The following CCT4 variants were observed in gnomAD, a reference collection of about 807,000 sequenced individuals.
CCT4 encodes the protein chaperonin containing TCP1 subunit 4.
In CCT4, 17 loss-of-function variants were observed where a neutral mutation model predicts 62.5. The ratio of observed to expected loss-of-function variants is 0.27; its 90% CI spans 0.19 to 0.41. CCT4 has a LOEUF of 0.41. Among genes scored for constraint, CCT4 ranks in the 10% least tolerant of loss-of-function variants. CCT4 has a pLI of 1.00. For missense variants in CCT4, 592 were observed against 659.2 expected, an observed-to-expected ratio of 0.90 and a Z score of 1.12; for synonymous variants, 250 against 229.9, an observed-to-expected ratio of 1.09 and a Z score of -0.79.
In CCT4 at chr2:61,878,985, A is replaced by C; in HGVS notation, c.406T>G (p.Ser136Ala). The stretch of plus-strand genomic sequence containing the variant: ...CCCTTTTCCAGGGCCTTCTGGAATG[A>C]CTCAGAAATGATGGTTGGATGAATC... ...KGIHPTIISESFQKALEKGIE... is the reference protein window; with the variant it reads ...KGIHPTIISEAFQKALEKGIE... Residue 136 changes from serine (S) to alanine (A), a missense_variant, in exon 5 of 14, where the codon TCA (serine) becomes GCA (alanine). Around this residue, in one of 3 missense-constraint regions of CCT4, gnomAD observed 522 missense variants for 571.2 expected, o/e 0.91. Transcript: ENST00000394440. 2 of 1,608,270 alleles carry C rather than the reference A, an allele frequency of 1.2e-6. No homozygotes were observed. Among genetic ancestry groups the C allele is most frequent in the Non-Finnish European group, 1.7e-6 (2 of 1,177,854 alleles).
In CCT4 at chr2:61,873,202, A is replaced by T. The variant is rs112590269; in HGVS notation, c.1009T>A (p.Cys337Ser). ...DIEREDIEFICKTIGTKPVAH... is the reference protein window; with the variant it reads ...DIEREDIEFISKTIGTKPVAH... The stretch of plus-strand genomic sequence containing the variant: ...TACAGATGTTAATGTTTTACCTTAC[A>T]AATGAATTCAATGTCTTCTCTTTCA... Residue 337 changes from cysteine to serine, a missense_variant, in exon 9 of 14, where the codon TGT becomes AGT. Cys to Ser is a moderately radical substitution (Grantham distance 112). This residue lies in a region of CCT4 where 522 missense variants were observed against 571.2 expected (regional missense o/e 0.91). Coordinates refer to ENST00000394440, the MANE Select transcript of CCT4 (RefSeq NM_006430.4). 3.4e-6 allele frequency: 5 copies of T among 1,465,810 alleles called. No homozygotes were observed. The highest frequency in any genetic ancestry group is 1.4e-5 in the African/African-American group (1 of 71,766). The allele number at this position is 1,465,810 out of a possible 1,614,324, so 90.8% of individuals were successfully genotyped here. A position where few individuals can be genotyped will look rare whatever the true frequency, so the allele number is the denominator to read the frequency against.
At chr2:61,873,413 G>A (rs1277226126) in intron 8 of CCT4, 120 bp from the exon 9 acceptor site, 1 of 594,642 alleles carries the variant, frequency 1.7e-6, no homozygotes, top group East Asian at 2.7e-5. Context: ...GAAGAAAAAT[G>A]CTTTAGTTTA....
chr2:61,881,936 CTTT>C (rs10582574), intron 3 of CCT4, among the ~76,000 whole-genome samples: 24,309 of 141,704 alleles, frequency 0.17, 2,455 homozygotes, highest in Middle Eastern at 0.29. Flanking sequence ...ATAGAAGTTC[CTTT>C]TTTTTTTTTT....
In CCT4 at chr2:61,872,995, C is replaced by G. The variant is rs1236575492; in HGVS notation, c.1125+7G>C. The G allele has an allele frequency of 6.7e-7, 1 of 1,503,578 alleles. No homozygotes were observed. The highest frequency in any genetic ancestry group is 2.3e-5 in the East Asian group (1 of 44,364). The allele number at this position is 1,503,578 out of a possible 1,614,324, so 93.1% of individuals were successfully genotyped here. ...AGCAAATAAAAATTTAAGTGTAATA[C>G]TGTTACCTTGAGCAGTTTGCCAGAA... On this transcript the variant is annotated splice_region_variant and intron_variant, in intron 10 of 13. Transcript: ENST00000394440.
chr2:61,872,279 A>T lies in CCT4; in HGVS notation c.1294T>A (p.Leu432Met), dbSNP rs1668900562. ...IAGGGAPEIE[L>M]ALRLTEYSRT... ...GAATATTCAGTTAATCGTAGGGCCAACTCTATTTCTGGAGCACCACCTCCT... is the reference window on the plus strand; with the variant it reads ...GAATATTCAGTTAATCGTAGGGCCATCTCTATTTCTGGAGCACCACCTCCT... Residue 432 changes from leucine (L) to methionine (M), a missense_variant, in exon 12 of 14, where the codon TTG becomes ATG. Transcript: ENST00000394440. 1 of 1,609,652 alleles carries T rather than the reference A, an allele frequency of 6.2e-7. No individual in the cohort carries two copies. The highest frequency in any genetic ancestry group is 2.2e-5 in the East Asian group (1 of 44,734).
At chr2:61,880,532 T>C in intron 3 of CCT4, 138 bp from the exon 4 acceptor site, 1 of 618,012 alleles carries the variant, frequency 1.6e-6, no homozygotes, top group Admixed American at 3.5e-5. Flanking sequence ...ATTTGTTGTC[T>C]ACCTTGGGTT....
rs937814763 is a variant in CCT4, at chr2:61,872,666, G to A, written c.1126-78C>T. ...ACCCAGGCCGGGCACGGCGGCTCAC[G>A]CCTGTAAACCCAACACTTTGGGAGG... is the stretch of plus-strand genomic sequence containing the variant. On this transcript the variant is annotated intron_variant, in intron 10 of 13. Transcript: ENST00000394440. 5.5e-5 allele frequency: 81 copies of A among 1,473,334 alleles called. No individual in the cohort carries two copies. In the Middle Eastern group the frequency reaches 7.3e-4, roughly 13 times the overall value. 91.3% of individuals were successfully genotyped at this position (1,473,334 alleles called of 1,614,324 possible).
chr2:61,880,628 A>C (rs1669092265), intron 3 of CCT4, among the ~76,000 whole-genome samples: 1 of 152,182 alleles, frequency 6.6e-6, no homozygotes, highest in Non-Finnish European at 1.5e-5. Context: ...AAAAGTTCTA[A>C]TTAGAAAGCA....
chr2:61,869,577 T>C (rs763791577), intron 12 of CCT4, 24 bp from the exon 13 acceptor site: 18 of 1,332,106 alleles, frequency 1.4e-5, no homozygotes, highest in Admixed American at 1.0e-4. Context: ...CAGCACAAGT[T>C]GCTTTTAGTG....
Position 61,868,645 on chromosome 2 carries a change from C to A in CCT4, c.*47G>T. 6.9e-7 allele frequency: 1 copy of A among 1,456,898 alleles called. No homozygotes were observed. Among genetic ancestry groups the A allele is most frequent in the South Asian group, 1.1e-5 (1 of 87,100 alleles). The allele number at this position is 1,456,898 out of a possible 1,614,324, so 90.2% of individuals were successfully genotyped here. On this transcript the variant is annotated 3_prime_UTR_variant, in exon 14 of 14. Coordinates refer to ENST00000394440, the MANE Select transcript of CCT4 (RefSeq NM_006430.4). ...AACACCAAGGTGATCTTCTTCCATTCCAGCCACAATACTGGTGATCATAAT... is the reference window on the plus strand; with the variant it reads ...AACACCAAGGTGATCTTCTTCCATTACAGCCACAATACTGGTGATCATAAT...
At position 61,885,086 on chromosome 2, in the gene CCT4, G is replaced by GAAA; in HGVS notation, c.128-15_128-14insTTT. On this transcript the variant is annotated splice_polypyrimidine_tract_variant and intron_variant, in intron 1 of 13. Coordinates refer to ENST00000394440, the MANE Select transcript of CCT4 (RefSeq NM_006430.4). The stretch of plus-strand genomic sequence containing the variant: ...CATCAGCAACCGCTGCAGATGGGGG[G>GAAA]GAAAAAAAAGAAAACAAATTAGAAC... The GAAA allele has an allele frequency of 1.4e-6, 2 of 1,452,082 alleles. No homozygotes were observed. Among genetic ancestry groups the GAAA allele is most frequent in the Non-Finnish European group, 1.8e-6 (2 of 1,085,966 alleles). 89.9% of individuals were successfully genotyped at this position (1,452,082 alleles called of 1,614,324 possible).
rs777977732 is a variant in CCT4 at position 61,880,392 on chromosome 2, C to G, written c.273G>C (p.Leu91=). The change falls in exon 4 of 14, where the codon CTG becomes CTC. Residue 91 remains leucine, a splice_region_variant and synonymous_variant. Transcript: ENST00000394440. ...TATCTTGAGCCTTAGACAGCTCCACCAGCTAAGTGAACAGAAAATGCCAAG... is the reference window on the plus strand; with the variant it reads ...TATCTTGAGCCTTAGACAGCTCCACGAGCTAAGTGAACAGAAAATGCCAAG... ...MQVLHPAARM[L]VELSKAQDIE... is the part of the protein sequence containing the mutation. The G allele has an allele frequency of 3.8e-6, 6 of 1,585,526 alleles. No homozygotes were observed. Among genetic ancestry groups the G allele is most frequent in the Non-Finnish European group, 8.6e-7 (1 of 1,162,180 alleles).
rs1668893636 is a variant in CCT4 at position 61,872,019 on chromosome 2, A to G, written c.1491+63T>C. On this transcript the variant is annotated intron_variant, in intron 12 of 13. Transcript: ENST00000394440. The stretch of plus-strand genomic sequence containing the variant: ...TACAGAGCTTTCCATTCAACAGATG[A>G]CTACAAAGCTTTTAATATTTTAAAT... 5.2e-6 allele frequency: 6 copies of G among 1,145,984 alleles called. No individual in the cohort carries two copies. The South Asian group carries it at 8.7e-5, about 17-fold the overall frequency. The allele number at this position is 1,145,984 out of a possible 1,614,324, so 71.0% of individuals were successfully genotyped here. A position where few individuals can be genotyped will look rare whatever the true frequency, so the allele number is the denominator to read the frequency against.
intron 12 of CCT4, 86 bp from the exon 13 acceptor site, chr2:61,869,639 C>A: frequency 1.4e-6 from 1 of 740,606 alleles, no homozygotes; most frequent in South Asian, 1.5e-5. Context: ...ACCTCAAGAC[C>A]TAAATCTAGT....
intron 12 of CCT4, among the ~76,000 whole-genome samples, chr2:61,871,452 C>T (rs553697191): frequency 6.6e-6 from 1 of 152,170 alleles, no homozygotes; most frequent in African/African-American, 2.4e-5. Context: ...CCTGTAAAAC[C>T]ACTGCTTACC....
intron 4 of CCT4, among the ~76,000 whole-genome samples, 175 bp downstream of exon 4, chr2:61,880,111 T>C (rs982690007): frequency 2.0e-5 from 3 of 152,184 alleles, no homozygotes. Flanking sequence ...CAAGGAAAAT[T>C]TCTTCTAATC....
At position 61,868,100 on chromosome 2, in the gene CCT4, TTTTG is replaced by T. The variant is rs1017494297; in HGVS notation, c.*588_*591del. 1 of 152,434 alleles carries T rather than the reference TTTTG, an allele frequency of 6.6e-6. No individual in the cohort carries two copies. Among genetic ancestry groups the T allele is most frequent in the African/African-American group, 2.4e-5 (1 of 41,448 alleles). The allele number at this position is 152,434 out of a possible 1,614,324, so 9.4% of individuals were successfully genotyped here. On this transcript the variant is annotated 3_prime_UTR_variant, in exon 14 of 14. Coordinates refer to ENST00000394440, the MANE Select transcript of CCT4 (RefSeq NM_006430.4). ...GAACAAGACATTAGTTAAGAAACCC[TTTTG>T]TTTAAGTAAGATTTGCTACATATAT...
intron 3 of CCT4, 91 bp from the exon 4 acceptor site, chr2:61,880,485 G>A: frequency 1.4e-6 from 1 of 727,754 alleles, no homozygotes; most frequent in Middle Eastern, 2.3e-4. Context: ...GTCACAAACA[G>A]AATTTGAAGA....
intron 10 of CCT4, 107 bp from the exon 11 acceptor site, chr2:61,872,695 A>C (rs1668909147): frequency 2.7e-6 from 3 of 1,113,404 alleles, no homozygotes; most frequent in Non-Finnish European, 3.9e-6. Flanking sequence ...TGGGAGGATG[A>C]GGCGGGTGGC....
Sources: allele counts gnomAD v4.1 joint callset (sites outside exome capture counted in the v4.1 genomes callset), GRCh38; gene constraint gnomAD v4.1.1; regional missense constraint gnomAD v4.1.1; transcripts MANE v1.5; gene names NCBI Gene and HGNC (gene_info 2026-07-23, HGNC 2026-07-21).